TMEM132D: variants seen among roughly 807,000 people sequenced by gnomAD.
The protein encoded by TMEM132D is transmembrane protein 132D, also known as mature OL transmembrane protein.
In TMEM132D, 21 loss-of-function variants were observed where a neutral mutation model predicts 62.3. The ratio of observed to expected loss-of-function variants is 0.34; its 90% CI spans 0.24 to 0.49. The LOEUF is 0.49. Ranked by LOEUF, TMEM132D falls within the 20% of genes least tolerant of loss-of-function variation. TMEM132D has a pLI of 0.99. For synonymous variants in TMEM132D, 621 were observed against 575.6 expected, an observed-to-expected ratio of 1.08 and a Z score of -1.13; for missense variants, 1,346 against 1,402.8, an observed-to-expected ratio of 0.96 and a Z score of 0.65.
At chr12:129,555,333 G>A (rs901443933) in intron 2 of TMEM132D, among the ~76,000 whole-genome samples, 1 of 152,218 alleles carries the variant, frequency 6.6e-6, no homozygotes, top group Middle Eastern at 3.2e-3. Flanking sequence ...GTTTCAGGCA[G>A]TACCTTTCAC....
At chr12:129,151,304 C>T (rs1593277877) in intron 5 of TMEM132D, among the ~76,000 whole-genome samples, 1 of 152,314 alleles carries the variant, frequency 6.6e-6, no homozygotes, top group South Asian at 2.1e-4. Flanking sequence ...TCATTAAAGA[C>T]ATTGGAGAGA....
chr12:129,597,429 TCAAA>T (rs146038430), intron 2 of TMEM132D, among the ~76,000 whole-genome samples: 2,212 of 152,264 alleles, frequency 0.015, 55 homozygotes, highest in African/African-American at 0.05. Context: ...CATACTTACA[TCAAA>T]CAGAGCTGTA....
intron 4 of TMEM132D, among the ~76,000 whole-genome samples, chr12:129,241,647 G>A (rs1247358707): frequency 6.6e-6 from 1 of 152,126 alleles, no homozygotes; most frequent in African/African-American, 2.4e-5. Flanking sequence ...AACAATGATA[G>A]TTCTTCTGGT....
At chr12:129,553,640 T>C (rs1387966140) in intron 2 of TMEM132D, among the ~76,000 whole-genome samples, 2 of 152,192 alleles carry the variant, frequency 1.3e-5, no homozygotes, top group African/African-American at 4.8e-5. Flanking sequence ...ATGACAGCAT[T>C]GAATGTGTCA....
At chr12:129,877,320 A>G (rs942675276) in intron 1 of TMEM132D, among the ~76,000 whole-genome samples, 2 of 152,114 alleles carry the variant, frequency 1.3e-5, no homozygotes, top group African/African-American at 2.4e-5. Flanking sequence ...AGAACTTCAA[A>G]GAGATTTCTG....
At chr12:129,305,056 C>CTTATTTTATTATTACTTATTTTATTA (rs1881815853) in intron 4 of TMEM132D, among the ~76,000 whole-genome samples, 1 of 152,188 alleles carries the variant, frequency 6.6e-6, no homozygotes, top group South Asian at 2.1e-4. Context: ...CTAGACTGTT[C>CTTATTTTATTATTACTTATTTTATTA]TTATTTTATT....
At chr12:129,853,936 T>C (rs1441772060) in intron 1 of TMEM132D, 1 of 152,148 alleles carries the variant, frequency 6.6e-6, no homozygotes. Context: ...CACACAGAAG[T>C]TTCCAGGTAA....
intron 1 of TMEM132D, among the ~76,000 whole-genome samples, chr12:129,889,808 T>C (rs1310237004): frequency 6.6e-6 from 1 of 152,174 alleles, no homozygotes; most frequent in African/African-American, 2.4e-5. Flanking sequence ...GGGCCTCCTG[T>C]TCAAAGAAAC....
intron 3 of TMEM132D, among the ~76,000 whole-genome samples, chr12:129,524,159 C>T (rs1875940199): frequency 6.6e-6 from 1 of 151,534 alleles, no homozygotes; most frequent in South Asian, 2.1e-4. Flanking sequence ...TGCAGCACAC[C>T]AGCATGGCCC....
intron 2 of TMEM132D, among the ~76,000 whole-genome samples, chr12:129,543,596 A>G (rs1158746968): frequency 6.6e-6 from 1 of 152,212 alleles, no homozygotes. Context: ...AATCATCTAT[A>G]GTGTTGAATG....
chr12:129,447,788 G>T (rs1873148429), intron 3 of TMEM132D, among the ~76,000 whole-genome samples: 1 of 152,132 alleles, frequency 6.6e-6, no homozygotes, highest in South Asian at 2.1e-4. Context: ...TGGTGATGTG[G>T]AAACAGCATC....
At chr12:129,233,592 A>G (rs982982291) in intron 4 of TMEM132D, among the ~76,000 whole-genome samples, 9 of 152,102 alleles carry the variant, frequency 5.9e-5, no homozygotes, top group Non-Finnish European at 1.3e-4. Flanking sequence ...ACAAACTGAT[A>G]TTATTAATTT....
At chr12:129,346,420 T>G (rs1404964180) in intron 3 of TMEM132D, among the ~76,000 whole-genome samples, 1 of 152,210 alleles carries the variant, frequency 6.6e-6, no homozygotes, top group Non-Finnish European at 1.5e-5. Flanking sequence ...GAAGGGTTTT[T>G]CATGACTCTG....
At chr12:129,235,986 A>C (rs1378247995) in intron 4 of TMEM132D, among the ~76,000 whole-genome samples, 6 of 151,704 alleles carry the variant, frequency 4.0e-5, no homozygotes, top group Admixed American at 3.3e-4. Context: ...TGAACGTGGA[A>C]TATCTTTCTA....
chr12:129,174,284 C>A (rs182413951), intron 5 of TMEM132D, among the ~76,000 whole-genome samples: 2 of 152,050 alleles, frequency 1.3e-5, no homozygotes, highest in Non-Finnish European at 2.9e-5. Flanking sequence ...TGTGTCCATG[C>A]GTTCTCATTG....
At chr12:129,727,986 C>T (rs369846537) in intron 1 of TMEM132D, among the ~76,000 whole-genome samples, 3 of 152,170 alleles carry the variant, frequency 2.0e-5, no homozygotes, top group Non-Finnish European at 4.4e-5. Context: ...TTCTGATCAC[C>T]GGCTGTATCC....
chr12:129,288,513 C>G (rs1378668381), intron 4 of TMEM132D, among the ~76,000 whole-genome samples: 1 of 152,184 alleles, frequency 6.6e-6, no homozygotes, highest in Admixed American at 6.5e-5. Flanking sequence ...TGCTCAATGT[C>G]TCTAATCATC....
intron 5 of TMEM132D, among the ~76,000 whole-genome samples, chr12:129,132,149 C>G (rs1485874327): frequency 6.6e-6 from 1 of 152,138 alleles, no homozygotes; most frequent in Non-Finnish European, 1.5e-5. Context: ...GTTGATTGCT[C>G]TAGACATTTT....
chr12:129,748,034 T>C (rs1382455760), intron 1 of TMEM132D, among the ~76,000 whole-genome samples: 2 of 152,218 alleles, frequency 1.3e-5, no homozygotes, highest in Non-Finnish European at 2.9e-5. Context: ...GACCCTGTTT[T>C]CTGTGCATTT....
Sources: gnomAD v4.1 joint callset for allele counts (sites outside exome capture counted in the v4.1 genomes callset) on GRCh38, gnomAD v4.1.1 for gene constraint, MANE v1.5 for transcripts, NCBI Gene and HGNC (gene_info 2026-07-23, HGNC 2026-07-21) for gene names.